RBBP6: variants seen among roughly 807,000 people sequenced by gnomAD.
RBBP6 encodes the protein E3 ubiquitin-protein ligase RBBP6.
RBBP6 carries 25 observed loss-of-function variants against 167.7 expected under a neutral mutation model. The ratio of observed to expected loss-of-function variants is 0.15; its 90% confidence interval spans 0.11 to 0.21. RBBP6 has a LOEUF of 0.21. Ranked by LOEUF, RBBP6 falls within the 10% of genes least tolerant of loss-of-function variation. The pLI, the probability that RBBP6 is intolerant of heterozygous loss-of-function variation, is 1.00. For missense variants in RBBP6, 1,868 were observed against 2,134.2 expected, an observed-to-expected ratio of 0.88 and a Z score of 2.46; for synonymous variants, 789 against 735.8, an observed-to-expected ratio of 1.07 and a Z score of -1.17.
chr16:24,567,911 C>T lies in RBBP6; in HGVS notation c.2054+18C>T. The T allele has an allele frequency of 1.3e-6, 2 of 1,570,358 alleles. No homozygotes were observed. Among genetic ancestry groups the T allele is most frequent in the South Asian group, 2.2e-5 (2 of 89,390 alleles). ...TTTTCCAGGTTAGTGTTTTGCAAGC[C>T]TTCACAACAGAATTACAAACGGGAC... On this transcript the variant is annotated intron_variant, in intron 16 of 17. Coordinates refer to ENST00000319715, the MANE Select transcript of RBBP6 (RefSeq NM_006910.5).
intron 2 of RBBP6, 107 bp downstream of exon 2, chr16:24,546,369 T>C (rs1407725059): frequency 1.6e-5 from 20 of 1,236,718 alleles, no homozygotes; most frequent in Non-Finnish European, 2.1e-5. Context: ...TTAACCTTAA[T>C]GAATACATCT....
intron 16 of RBBP6, 61 bp downstream of exon 16, chr16:24,567,954 T>A (rs1455900034): frequency 8.3e-6 from 11 of 1,333,326 alleles, no homozygotes; most frequent in Non-Finnish European, 1.1e-5. Flanking sequence ...ATCCAGGGAT[T>A]AGCTATGGAT....
At chr16:24,568,103 G>T (rs965743612) in intron 16 of RBBP6, among the ~76,000 whole-genome samples, 1 of 152,158 alleles carries the variant, frequency 6.6e-6, no homozygotes, top group Non-Finnish European at 1.5e-5. Flanking sequence ...CAGTTGTGGG[G>T]ATTAAATTGC....
Position 24,550,552 on chromosome 16 carries a change from A to G in RBBP6, c.303+1571A>G, listed in dbSNP as rs147715044. Among the ~76,000 whole-genome samples the G allele has an allele frequency of 8.9e-3, 1,350 of 151,836 alleles. 12 individuals are homozygous for G. Among genetic ancestry groups the G allele is most frequent in the Middle Eastern group, 0.024 (7 of 294 alleles). On this transcript the variant is annotated intron_variant, in intron 3 of 17. Transcript: ENST00000319715. ...GTACAGTTTATATAGTATTTAAACT[A>G]ATTCAGATGAAGTTTTATTTCTTGA...
At position 24,572,477 on chromosome 16, in the gene RBBP6, T is replaced by C. The variant is rs1393937944; in HGVS notation, c.*32T>C. The C allele has an allele frequency of 1.3e-6, 2 of 1,499,396 alleles. No individual in the cohort carries two copies. Among genetic ancestry groups the C allele is most frequent in the Admixed American group, 2.6e-5 (1 of 38,386 alleles). 92.9% of individuals were successfully genotyped at this position (1,499,396 alleles called of 1,614,324 possible). ...AGATTTTTTAAATTGACTTAATTAC[T>C]AAGTCATCTGTATTAAATTTTGTTA... On this transcript the variant is annotated 3_prime_UTR_variant, in exon 18 of 18. Transcript: ENST00000319715.
chr16:24,543,357 C>G (rs1006385297), intron 1 of RBBP6, among the ~76,000 whole-genome samples: 1 of 147,408 alleles, frequency 6.8e-6, no homozygotes, highest in Non-Finnish European at 1.5e-5. Flanking sequence ...AATTTTGGCT[C>G]ATTGCAGCTT....
intron 3 of RBBP6, chr16:24,553,202 A>T (rs1231087183): frequency 5.0e-5 from 12 of 241,092 alleles, no homozygotes; most frequent in Non-Finnish European, 8.9e-5. Flanking sequence ...GTATTGTCAC[A>T]TTTAGAGACC....
At position 24,572,482 on chromosome 16, in the gene RBBP6, C is replaced by T. The variant is rs1899366646; in HGVS notation, c.*37C>T. On this transcript the variant is annotated 3_prime_UTR_variant, in exon 18 of 18. Transcript: ENST00000319715. ...TTTTAAATTGACTTAATTACTAAGT[C>T]ATCTGTATTAAATTTTGTTATAATG... The T allele has an allele frequency of 3.3e-6, 5 of 1,493,470 alleles. No homozygotes were observed. Among genetic ancestry groups the T allele is most frequent in the Admixed American group, 2.6e-5 (1 of 37,864 alleles). The allele number at this position is 1,493,470 out of a possible 1,614,324, so 92.5% of individuals were successfully genotyped here. A position where few individuals can be genotyped will look rare whatever the true frequency, so the allele number is the denominator to read the frequency against.
intron 2 of RBBP6, among the ~76,000 whole-genome samples, chr16:24,547,999 T>C (rs1157711809): frequency 6.6e-6 from 1 of 151,586 alleles, no homozygotes; most frequent in Non-Finnish European, 1.5e-5. Flanking sequence ...CATCTCAGTT[T>C]TTTTTTGAGC....
rs1489655939 is a variant in RBBP6 at position 24,539,662 on chromosome 16, GC to G, written c.-963del. The G allele has an allele frequency of 1.3e-5, 2 of 152,198 alleles. No homozygotes were observed. Among genetic ancestry groups the G allele is most frequent in the Non-Finnish European group, 2.9e-5 (2 of 68,046 alleles). The allele number at this position is 152,198 out of a possible 1,614,324, so 9.4% of individuals were successfully genotyped here. A position where few individuals can be genotyped will look rare whatever the true frequency, so the allele number is the denominator to read the frequency against. ...GGTGAGAGCCCCCGAGCGGCAGGGG[GC>G]CAACACAAAAAGGGAGCCGGAGAAG... On this transcript the variant is annotated 5_prime_UTR_variant, in exon 1 of 18. Coordinates refer to ENST00000319715, the MANE Select transcript of RBBP6 (RefSeq NM_006910.5).
intron 1 of RBBP6, among the ~76,000 whole-genome samples, chr16:24,545,261 A>T (rs1046729883): frequency 2.6e-5 from 4 of 152,068 alleles, no homozygotes; most frequent in African/African-American, 7.2e-5. Context: ...TTTAGTAGAG[A>T]TGGGGTTTCA....
intron 10 of RBBP6, 91 bp downstream of exon 10, chr16:24,562,252 G>C (rs1468522717): frequency 8.7e-7 from 1 of 1,153,908 alleles, no homozygotes; most frequent in Non-Finnish European, 1.2e-6. Flanking sequence ...AGCTTTCTTA[G>C]TGGACCACTG....
Position 24,572,701 on chromosome 16 carries a change from G to C in RBBP6, c.*256G>C, listed in dbSNP as rs769803560. The C allele has an allele frequency of 2.2e-5, 8 of 364,804 alleles. No homozygotes were observed. The highest frequency in any genetic ancestry group is 3.3e-5 in the Non-Finnish European group (7 of 210,836). The allele number at this position is 364,804 out of a possible 1,614,324, so 22.6% of individuals were successfully genotyped here. A position where few individuals can be genotyped will look rare whatever the true frequency, so the allele number is the denominator to read the frequency against. ...TTTTAACCACCATTAATTAGTTGGG[G>C]TGGAGTTTACTGTAATGTGAAATTT... On this transcript the variant is annotated 3_prime_UTR_variant, in exon 18 of 18. Coordinates refer to ENST00000319715, the MANE Select transcript of RBBP6 (RefSeq NM_006910.5).
rs1228236052 is a variant in RBBP6, at chr16:24,561,987, C to T, written c.1115C>T (p.Pro372Leu). Reference protein sequence around the residue: ...ISRQQDPLMIPVTSSSTHPAP... With the variant: ...ISRQQDPLMILVTSSSTHPAP... ...AGACAACAAGATCCTCTTATGATTC[C>T]AGTGACATCTTCATCAACTCACCCA... Residue 372 changes from proline (P) to leucine (L), a missense_variant, in exon 10 of 18, where the codon CCA becomes CTA. Physicochemically the swap from Pro to Leu is moderately conservative, Grantham distance 98. Coordinates refer to ENST00000319715, the MANE Select transcript of RBBP6 (RefSeq NM_006910.5). 11 of 1,613,760 alleles carry T rather than the reference C, an allele frequency of 6.8e-6. No individual in the cohort carries two copies. Among genetic ancestry groups the T allele is most frequent in the Non-Finnish European group, 9.3e-6 (11 of 1,179,810 alleles).
In RBBP6 at chr16:24,540,785, G is replaced by T. The variant is rs756574593; in HGVS notation, c.159G>T (p.Thr53=). 1 of 1,612,822 alleles carries T rather than the reference G, an allele frequency of 6.2e-7. No homozygotes were observed. Among genetic ancestry groups the T allele is most frequent in the Non-Finnish European group, 8.5e-7 (1 of 1,179,632 alleles). ...DCDLQITNAQ[T]KEEYTDDNAL... is the part of the protein sequence containing the mutation. ...ACCTGCAGATCACCAATGCGCAGAC[G>T]AAAGAAGGTAAGGGCCGCTTGGTCT... Residue 53 remains threonine (T), a synonymous_variant, in exon 1 of 18, where the codon ACG becomes ACT. Transcript: ENST00000319715.
chr16:24,567,164 C>T lies in RBBP6; in HGVS notation c.1611C>T (p.His537=), dbSNP rs746764083. Residue 537 remains histidine, a synonymous_variant, in exon 15 of 18, where the codon CAC becomes CAT. Coordinates refer to ENST00000319715, the MANE Select transcript of RBBP6 (RefSeq NM_006910.5). ...SCYRSINRGR[H]HSERSQRTQG... Reference sequence around the variant, plus strand: ...CCAGAAGTATAAACCGTGGGCGACACCACAGCGAAAGATCACAGAGGACTC... The same window carrying T: ...CCAGAAGTATAAACCGTGGGCGACATCACAGCGAAAGATCACAGAGGACTC... 2.5e-6 allele frequency: 4 copies of T among 1,613,662 alleles called. No individual in the cohort carries two copies. The highest frequency in any genetic ancestry group is 2.2e-5 in the South Asian group (2 of 91,064).
At chr16:24,564,887 G>A in intron 14 of RBBP6, 22 bp downstream of exon 14, 1 of 1,600,760 alleles carries the variant, frequency 6.2e-7, no homozygotes, top group Non-Finnish European at 8.5e-7. Context: ...AAAAATCTTG[G>A]AAAATAATCA....
At chr16:24,551,843 ACAG>A (rs1226885288) in intron 3 of RBBP6, among the ~76,000 whole-genome samples, 1 of 151,820 alleles carries the variant, frequency 6.6e-6, no homozygotes, top group Admixed American at 6.6e-5. Flanking sequence ...ATGATGGTTG[ACAG>A]CAATTTGTCT....
chr16:24,539,583 C>G lies in RBBP6; in HGVS notation c.-1044C>G, dbSNP rs996020036. 3 of 152,066 alleles carry G rather than the reference C, an allele frequency of 2.0e-5. No individual in the cohort carries two copies. The highest frequency in any genetic ancestry group is 4.4e-5 in the Non-Finnish European group (3 of 68,036). The allele number at this position is 152,066 out of a possible 1,614,324, so 9.4% of individuals were successfully genotyped here. A position where few individuals can be genotyped will look rare whatever the true frequency, so the allele number is the denominator to read the frequency against. On this transcript the variant is annotated 5_prime_UTR_variant, in exon 1 of 18. Transcript: ENST00000319715. ...GAGACCCCGCAGTGGGGCGCTCGTC[C>G]GAAGCCAGGCCGCGTCCGCCATAGT...
Sources: gnomAD v4.1 joint callset for allele counts (sites outside exome capture counted in the v4.1 genomes callset) on GRCh38, gnomAD v4.1.1 for gene constraint, MANE v1.5 for transcripts, NCBI Gene and HGNC (gene_info 2026-07-23, HGNC 2026-07-21) for gene names.